The following GALNT17 variants were observed in gnomAD, a reference collection of about 807,000 sequenced individuals.
The protein encoded by GALNT17 is UDP-GalNAc:polypeptide N-acetylgalactosaminyltransferase-like 3.
A neutral mutation model predicts 63.7 loss-of-function variants in GALNT17; 29 were observed. The observed-to-expected ratio is 0.46, with a 90% CI of 0.34 to 0.62. The LOEUF is 0.62. Ranked by LOEUF, GALNT17 falls within the 20% of genes least tolerant of loss-of-function variation. The probability of loss-of-function intolerance (pLI) is 0.01; values close to 1 mark genes in which losing one functional copy is unlikely to be tolerated. For synonymous variants in GALNT17, 305 were observed against 318.3 expected (o/e 0.96, Z 0.45); for missense variants, 603 against 799.6 (o/e 0.75, Z 2.97).
At position 71,205,447 on chromosome 7, in the gene GALNT17, C is replaced by G. The variant is rs149117282; in HGVS notation, c.238+72407C>G. 3.2e-4 allele frequency among the ~76,000 whole-genome samples: 48 copies of G among 152,128 alleles called. No individual in the cohort carries two copies. The East Asian group carries it at 8.9e-3, about 28-fold the overall frequency. ...GATTACAGACATGAGCCACCGTGCCCGGCCACTTTTTACTTTTTTCAAGAG... is the reference window on the plus strand; with the variant it reads ...GATTACAGACATGAGCCACCGTGCCGGGCCACTTTTTACTTTTTTCAAGAG... On this transcript the variant is annotated intron_variant, in intron 1 of 10. Transcript: ENST00000333538.
chr7:71,221,807 G>A (rs539518085), intron 1 of GALNT17, among the ~76,000 whole-genome samples: 37 of 151,904 alleles, frequency 2.4e-4, no homozygotes, highest in African/African-American at 8.2e-4. Flanking sequence ...AATACAGAGA[G>A]TTCCCTAATG....
chr7:71,505,195 TC>T (rs1417734531), intron 5 of GALNT17, among the ~76,000 whole-genome samples: 1 of 152,122 alleles, frequency 6.6e-6, no homozygotes, highest in Non-Finnish European at 1.5e-5. Flanking sequence ...CTCCTCTTCT[TC>T]CTGCCACATC....
intron 1 of GALNT17, among the ~76,000 whole-genome samples, chr7:71,306,706 G>T (rs920836212): frequency 2.6e-5 from 4 of 152,162 alleles, no homozygotes; most frequent in Non-Finnish European, 4.4e-5. Flanking sequence ...ATCCTCTTTT[G>T]TTTATTCATC....
chr7:71,510,915 G>C (rs1371000655), intron 5 of GALNT17, among the ~76,000 whole-genome samples: 1 of 152,278 alleles, frequency 6.6e-6, no homozygotes, highest in African/African-American at 2.4e-5. Context: ...CCTCACACCT[G>C]TAATCCTAGT....
intron 5 of GALNT17, among the ~76,000 whole-genome samples, chr7:71,427,423 C>T (rs904190221): frequency 1.3e-5 from 2 of 151,894 alleles, no homozygotes; most frequent in Non-Finnish European, 2.9e-5. Context: ...CAGTCAGAAG[C>T]CTAGTACCAA....
At chr7:71,352,239 G>T (rs546794848) in intron 2 of GALNT17, among the ~76,000 whole-genome samples, 1 of 152,312 alleles carries the variant, frequency 6.6e-6, no homozygotes, top group South Asian at 2.1e-4. Flanking sequence ...CATGTAAGCA[G>T]TGCCTTTTAC....
At chr7:71,453,717 A>C (rs776050340) in intron 5 of GALNT17, among the ~76,000 whole-genome samples, 1 of 152,188 alleles carries the variant, frequency 6.6e-6, no homozygotes, top group African/African-American at 2.4e-5. Flanking sequence ...AGATAAGAGG[A>C]AAATGTGAAT....
chr7:71,532,768 C>T (rs1788742063), intron 5 of GALNT17, among the ~76,000 whole-genome samples: 1 of 152,188 alleles, frequency 6.6e-6, no homozygotes, highest in Admixed American at 6.5e-5. Flanking sequence ...CTTCTACTCT[C>T]ATGTGGGGAG....
At chr7:71,230,431 G>C (rs1206949547) in intron 1 of GALNT17, among the ~76,000 whole-genome samples, 1 of 152,146 alleles carries the variant, frequency 6.6e-6, no homozygotes, top group African/African-American at 2.4e-5. Flanking sequence ...AACAGGGAGG[G>C]AAGTTGGTAC....
intron 6 of GALNT17, among the ~76,000 whole-genome samples, chr7:71,597,928 A>G (rs539103763): frequency 2.0e-4 from 30 of 151,534 alleles, no homozygotes; most frequent in Admixed American, 4.6e-4. Flanking sequence ...CCCTGCTGTA[A>G]TAACACGGTA....
intron 2 of GALNT17, among the ~76,000 whole-genome samples, chr7:71,356,941 C>G (rs1366527555): frequency 6.6e-6 from 1 of 152,036 alleles, no homozygotes; most frequent in African/African-American, 2.4e-5. Flanking sequence ...ACCACCATGC[C>G]TGGCTAATTT....
intron 5 of GALNT17, among the ~76,000 whole-genome samples, chr7:71,559,891 TA>T (rs1345931437): frequency 9.6e-6 from 1 of 104,096 alleles, no homozygotes; most frequent in African/African-American, 4.4e-5. Flanking sequence ...TTTTCAACAT[TA>T]AAAACAAAAA....
intron 6 of GALNT17, among the ~76,000 whole-genome samples, chr7:71,642,584 C>T (rs1162490141): frequency 6.6e-6 from 1 of 152,176 alleles, no homozygotes; most frequent in Non-Finnish European, 1.5e-5. Context: ...CACCTGTAAT[C>T]CCAGCACTTT....
intron 5 of GALNT17, among the ~76,000 whole-genome samples, chr7:71,460,549 C>G (rs1463467932): frequency 6.6e-6 from 1 of 152,040 alleles, no homozygotes; most frequent in Non-Finnish European, 1.5e-5. Flanking sequence ...AGAAAGGGGT[C>G]CTGATTCAGA....
chr7:71,505,840 T>A (rs908863466), intron 5 of GALNT17, among the ~76,000 whole-genome samples: 2 of 152,228 alleles, frequency 1.3e-5, no homozygotes, highest in Non-Finnish European at 2.9e-5. Flanking sequence ...GAAAGAGAAG[T>A]AATTACTTCT....
At chr7:71,652,544 A>G (rs1790768648) in intron 6 of GALNT17, among the ~76,000 whole-genome samples, 1 of 152,140 alleles carries the variant, frequency 6.6e-6, no homozygotes, top group Admixed American at 6.5e-5. Context: ...AAGGCCCGCA[A>G]ATGATTGGTA....
chr7:71,207,219 T>C (rs1789289018), intron 1 of GALNT17, among the ~76,000 whole-genome samples: 1 of 152,226 alleles, frequency 6.6e-6, no homozygotes, highest in Non-Finnish European at 1.5e-5. Flanking sequence ...TCAATTGTGT[T>C]GTGTTGTTAA....
intron 5 of GALNT17, among the ~76,000 whole-genome samples, chr7:71,487,530 G>A (rs1200995326): frequency 2.0e-5 from 3 of 152,120 alleles, no homozygotes; most frequent in African/African-American, 7.2e-5. Flanking sequence ...CCTGCACTTT[G>A]GGAGGCCATG....
intron 2 of GALNT17, among the ~76,000 whole-genome samples, chr7:71,374,540 A>G (rs889051074): frequency 5.3e-5 from 8 of 152,226 alleles, no homozygotes; most frequent in Non-Finnish European, 1.2e-4. Flanking sequence ...TGGTCAAAGC[A>G]AGCTATGTGG....
Sources: gnomAD v4.1 joint callset for allele counts (sites outside exome capture counted in the v4.1 genomes callset) on GRCh38, gnomAD v4.1.1 for gene constraint, MANE v1.5 for transcripts, NCBI Gene and HGNC (gene_info 2026-07-23, HGNC 2026-07-21) for gene names.